The following ELP2 variants were observed in gnomAD, a reference collection of about 807,000 sequenced individuals.
ELP2 encodes elongator acetyltransferase complex subunit 2.
In ELP2, 90 loss-of-function variants were observed where a neutral mutation model predicts 119.2. That is an observed-to-expected ratio of 0.75 (90% CI 0.64 to 0.90). The LOEUF (loss-of-function observed/expected upper bound fraction) is 0.90, where lower values mean the gene tolerates loss of function less well. Ranked by LOEUF, ELP2 falls within the 40% of genes least tolerant of loss-of-function variation. ELP2 has a pLI of 0.00. For synonymous variants in ELP2, 339 were observed against 331.0 expected (o/e 1.02, Z -0.26); for missense variants, 921 against 967.8 (o/e 0.95, Z 0.64).
Position 36,154,950 on chromosome 18 carries a change from A to G in ELP2, c.1226A>G (p.Asp409Gly). 4 of 1,614,036 alleles carry G rather than the reference A, an allele frequency of 2.5e-6. No individual in the cohort carries two copies. The highest frequency in any genetic ancestry group is 2.5e-6 in the Non-Finnish European group (3 of 1,179,892). The change falls in exon 12 of 22, where the codon GAT (aspartate) becomes GGT (glycine). Residue 409 changes from aspartate to glycine, a missense_variant. Asp to Gly is a moderately conservative substitution (Grantham distance 94). Coordinates refer to ENST00000358232, the MANE Select transcript of ELP2 (RefSeq NM_018255.4). ...GAATTTATTATCACTGTTGGTACTG[A>G]TCAGACAACTAGACTTTTTGCTCCA... ...EGEFIITVGT[D>G]QTTRLFAPWK...
In ELP2 at chr18:36,142,188, A is replaced by T. The variant is rs939034098; in HGVS notation, c.589-93A>T. 3 of 981,766 alleles carry T rather than the reference A, an allele frequency of 3.1e-6. No individual in the cohort carries two copies. In the African/African-American group the frequency reaches 4.8e-5, roughly 16 times the overall value. The allele number at this position is 981,766 out of a possible 1,614,324, so 60.8% of individuals were successfully genotyped here. On this transcript the variant is annotated intron_variant, in intron 6 of 21. Coordinates refer to ENST00000358232, the MANE Select transcript of ELP2 (RefSeq NM_018255.4). ...AAATAGTGTTCTCAGTAAAAGAGCA[A>T]CGCAGTAGGACTGTCTGAGACCAAA...
intron 7 of ELP2, 132 bp downstream of exon 7, chr18:36,142,479 G>A: frequency 1.3e-6 from 1 of 764,400 alleles, no homozygotes; most frequent in Non-Finnish European, 2.3e-6. Flanking sequence ...CAATTAGAAA[G>A]GAGGATGCTT....
chr18:36,157,449 G>A (rs1474815597), intron 13 of ELP2, among the ~76,000 whole-genome samples: 2 of 152,118 alleles, frequency 1.3e-5, no homozygotes, highest in Non-Finnish European at 2.9e-5. Flanking sequence ...AGCTATTGTG[G>A]TACCTGTTGG....
At chr18:36,130,547 C>T (rs2089573551) in intron 1 of ELP2, among the ~76,000 whole-genome samples, 2 of 152,224 alleles carry the variant, frequency 1.3e-5, no homozygotes, top group African/African-American at 4.8e-5. Flanking sequence ...CGGGAATGGA[C>T]ATTTTAGAGA....
In ELP2 at chr18:36,177,303, A is replaced by G. The variant is rs1477440823; in HGVS notation, c.*2662A>G. 1 of 152,240 alleles carries G rather than the reference A, an allele frequency of 6.6e-6. No homozygotes were observed. Among genetic ancestry groups the G allele is most frequent in the Non-Finnish European group, 1.5e-5 (1 of 68,050 alleles). The allele number at this position is 152,240 out of a possible 1,614,324, so 9.4% of individuals were successfully genotyped here. ...GATCAACAAAATGTGGTATATTCATACAGTGGAATATTATTCAGCCTCTAA... is the reference window on the plus strand; with the variant it reads ...GATCAACAAAATGTGGTATATTCATGCAGTGGAATATTATTCAGCCTCTAA... On this transcript the variant is annotated 3_prime_UTR_variant, in exon 22 of 22. Transcript: ENST00000358232.
At position 36,139,485 on chromosome 18, in the gene ELP2, G is replaced by A. The variant is rs1390579868; in HGVS notation, c.523+613G>A. On this transcript the variant is annotated intron_variant, in intron 5 of 21. Transcript: ENST00000358232. ...AAGCCACCAGCCTCTCTCGCCCTCT[G>A]TAGCAGGAGCTGCGACTCTATGGTT... 7 of 1,535,606 alleles carry A rather than the reference G, an allele frequency of 4.6e-6. No homozygotes were observed. The East Asian group carries it at 1.2e-4, about 27-fold the overall frequency.
chr18:36,165,006 C>A, intron 18 of ELP2: 1 of 285,564 alleles, frequency 3.5e-6, no homozygotes, highest in Non-Finnish European at 6.8e-6. Context: ...GATAACTTAT[C>A]CTAAGCTAGG....
At chr18:36,173,043 C>T (rs1203843325) in intron 21 of ELP2, among the ~76,000 whole-genome samples, 2 of 152,150 alleles carry the variant, frequency 1.3e-5, no homozygotes, top group African/African-American at 4.8e-5. Context: ...TTAAATATGA[C>T]ATGTTAATAT....
chr18:36,138,756 G>C, intron 4 of ELP2, 39 bp from the exon 5 acceptor site: 5 of 1,506,650 alleles, frequency 3.3e-6, no homozygotes, highest in Middle Eastern at 1.7e-4. Context: ...TAAGCTCTGA[G>C]GTAGTTAGTT....
chr18:36,147,856 C>CT (rs1222971193), intron 11 of ELP2, among the ~76,000 whole-genome samples: 8 of 152,070 alleles, frequency 5.3e-5, no homozygotes, highest in South Asian at 2.1e-4. Flanking sequence ...TTAACACTTA[C>CT]TTTTTTTTAT....
intron 16 of ELP2, among the ~76,000 whole-genome samples, chr18:36,160,578 G>A (rs1391087944): frequency 9.9e-5 from 14 of 141,932 alleles, no homozygotes; most frequent in South Asian, 2.3e-4. Flanking sequence ...ACCTTGCCTT[G>A]AAAAAAAAAA....
rs1457761338 is a variant in ELP2 at position 36,180,435 on chromosome 18, C to T, written c.*5794C>T. The T allele has an allele frequency of 6.6e-6, 1 of 152,104 alleles. No individual in the cohort carries two copies. Among genetic ancestry groups the T allele is most frequent in the Non-Finnish European group, 1.5e-5 (1 of 68,040 alleles). 9.4% of individuals were successfully genotyped at this position (152,104 alleles called of 1,614,324 possible). On this transcript the variant is annotated 3_prime_UTR_variant, in exon 22 of 22. Coordinates refer to ENST00000358232, the MANE Select transcript of ELP2 (RefSeq NM_018255.4). ...ACAGTAACCAGTGTGTAGGATTGTT[C>T]TGAGAATTAAATGAGCCAATATATG...
chr18:36,137,432 T>C (rs1023532785), intron 3 of ELP2, among the ~76,000 whole-genome samples: 2 of 152,182 alleles, frequency 1.3e-5, no homozygotes, highest in Non-Finnish European at 2.9e-5. Flanking sequence ...GCATCTTCTT[T>C]AGTGGCAGAA....
At chr18:36,131,942 T>C in intron 1 of ELP2, among the ~76,000 whole-genome samples, 1 of 147,598 alleles carries the variant, frequency 6.8e-6, no homozygotes. Flanking sequence ...TTTTTTTTTT[T>C]TTTTTTTTTT....
chr18:36,173,971 A>G (rs79225763), intron 21 of ELP2, among the ~76,000 whole-genome samples: 10,438 of 152,252 alleles, frequency 0.069, 438 homozygotes, highest in Middle Eastern at 0.095. Context: ...TAGAGGTCAC[A>G]CTGGAGACCA....
chr18:36,143,381 C>T (rs567353074), intron 8 of ELP2, among the ~76,000 whole-genome samples: 1 of 151,412 alleles, frequency 6.6e-6, no homozygotes, highest in African/African-American at 2.4e-5. Flanking sequence ...CTCGGCCTCC[C>T]AAAGTGCTGG....
intron 2 of ELP2, among the ~76,000 whole-genome samples, chr18:36,133,629 G>A (rs1020943895): frequency 2.0e-5 from 3 of 152,098 alleles, no homozygotes; most frequent in Admixed American, 6.5e-5. Context: ...CCTAGACTGA[G>A]GCTGTGTTTT....
At chr18:36,147,431 T>TTTGTTTG (rs2090244051) in intron 11 of ELP2, among the ~76,000 whole-genome samples, 2 of 111,220 alleles carry the variant, frequency 1.8e-5, no homozygotes, top group Non-Finnish European at 4.0e-5. Context: ...TTGTTTGTTT[T>TTTGTTTG]GAGACCGAGT....
At chr18:36,160,098 C>A in intron 16 of ELP2, 83 bp downstream of exon 16, 2 of 1,277,262 alleles carry the variant, frequency 1.6e-6, no homozygotes, top group African/African-American at 1.5e-5. Context: ...TCTGATGTCT[C>A]CTTTTTCTTC....
Sources: gnomAD v4.1 joint callset for allele counts (sites outside exome capture counted in the v4.1 genomes callset) on GRCh38, gnomAD v4.1.1 for gene constraint, MANE v1.5 for transcripts, NCBI Gene and HGNC (gene_info 2026-07-23, HGNC 2026-07-21) for gene names.